GPC3: variants seen among roughly 807,000 people sequenced by gnomAD.
The protein encoded by GPC3 is glypican 3.
In GPC3, 3 loss-of-function variants were observed where a neutral mutation model predicts 34.4. The ratio of observed to expected loss-of-function variants is 0.09; its 90% CI spans 0.04 to 0.23. The LOEUF is 0.23. GPC3 is among the 10% of genes least tolerant of loss of function. The probability of loss-of-function intolerance (pLI) is 1.00; values close to 1 mark genes in which losing one functional copy is unlikely to be tolerated. For synonymous variants in GPC3, 177 were observed against 174.0 expected (o/e 1.02, Z -0.13); for missense variants, 351 against 445.6 (o/e 0.79, Z 1.91).
At chrX:133,702,608 C>CCAACCT (rs1326442033) in intron 3 of GPC3, among the ~76,000 whole-genome samples, 2 of 111,505 alleles carry the variant, frequency 1.8e-5, no homozygotes, top group African/African-American at 6.5e-5. Flanking sequence ...CTCACCAACC[C>CCAACCT]CAACCTACTG....
At chrX:133,601,003 A>C (rs747110977) in intron 6 of GPC3, among the ~76,000 whole-genome samples, 30 of 111,687 alleles carry the variant, frequency 2.7e-4, no homozygotes, top group Non-Finnish European at 5.1e-4. Context: ...ATTTCATTCC[A>C]CTATCCCCAT....
chrX:133,661,395 T>G (rs2070714468), intron 6 of GPC3, among the ~76,000 whole-genome samples: 1 of 111,209 alleles, frequency 9.0e-6, no homozygotes, highest in Non-Finnish European at 1.9e-5. Flanking sequence ...TATTTTTCCC[T>G]CTATTTTCCA....
intron 2 of GPC3, among the ~76,000 whole-genome samples, chrX:133,907,949 T>C (rs2076177092): frequency 9.1e-6 from 1 of 109,431 alleles, no homozygotes; most frequent in African/African-American, 3.3e-5. Context: ...TTATATATGT[T>C]ACATATATAT....
chrX:133,760,363 C>CA (rs1354585411), intron 2 of GPC3, among the ~76,000 whole-genome samples: 1 of 111,771 alleles, frequency 8.9e-6, no homozygotes, highest in Non-Finnish European at 1.9e-5. Context: ...TTATAATCAC[C>CA]AAAACTGGAA....
At chrX:133,786,403 G>T (rs1014605638) in intron 2 of GPC3, among the ~76,000 whole-genome samples, 4 of 112,258 alleles carry the variant, frequency 3.6e-5, no homozygotes, top group African/African-American at 1.3e-4. Context: ...CGAAAGAAAA[G>T]AAAAGAAAGG....
intron 2 of GPC3, among the ~76,000 whole-genome samples, chrX:133,843,913 G>T (rs1351036348): frequency 8.9e-6 from 1 of 111,820 alleles, no homozygotes; most frequent in African/African-American, 3.3e-5. Context: ...CATAGCTATT[G>T]CCAGGAATCT....
At chrX:133,795,031 G>A (rs1468313630) in intron 2 of GPC3, among the ~76,000 whole-genome samples, 1 of 112,034 alleles carries the variant, frequency 8.9e-6, no homozygotes, top group Admixed American at 9.5e-5. Flanking sequence ...GCCTGACACA[G>A]AAGGGGCTCT....
rs777395041 is a variant in GPC3, at chrX:133,578,888, G to A, written c.1573+17552C>T. On this transcript the variant is annotated intron_variant, in intron 7 of 7. Coordinates refer to ENST00000370818, the MANE Select transcript of GPC3 (RefSeq NM_004484.4). ...AATGTCTGCTATGGAGAGGGATGGG[G>A]GTTGGGGAGGCTAATGGCCCATATG... 4.5e-5 allele frequency among the ~76,000 whole-genome samples: 5 copies of A among 109,950 alleles called. No individual in the cohort carries two copies. The South Asian group carries it at 2.0e-3, about 45-fold the overall frequency.
chrX:133,644,133 T>G (rs1363105347), intron 6 of GPC3, among the ~76,000 whole-genome samples: 5 of 110,512 alleles, frequency 4.5e-5, no homozygotes, highest in African/African-American at 1.6e-4. Flanking sequence ...GCCTTATTTT[T>G]TTGTTATTCA....
intron 5 of GPC3, among the ~76,000 whole-genome samples, chrX:133,664,490 C>T (rs760719182): frequency 9.1e-6 from 1 of 110,181 alleles, no homozygotes; most frequent in African/African-American, 3.4e-5. Context: ...AGCTGGACTA[C>T]ATTTTAATGT....
intron 6 of GPC3, among the ~76,000 whole-genome samples, chrX:133,651,611 T>C (rs1334009809): frequency 1.8e-5 from 2 of 111,443 alleles, no homozygotes; most frequent in East Asian, 5.7e-4. Context: ...TGCATCCCAA[T>C]TGTGTTATCT....
chrX:133,772,262 G>A (rs1248336426), intron 2 of GPC3, among the ~76,000 whole-genome samples: 1 of 111,380 alleles, frequency 9.0e-6, no homozygotes, highest in Non-Finnish European at 1.9e-5. Flanking sequence ...TTACACACTG[G>A]CTTGCAAATC....
In GPC3 at chrX:133,699,887, C is replaced by A. The variant is rs2124437393; in HGVS notation, c.1166+8G>T. The A allele has an allele frequency of 1.7e-6, 2 of 1,198,306 alleles. No homozygotes were observed. The highest frequency in any genetic ancestry group is 2.2e-5 in the Admixed American group (1 of 45,318). ...TATTGTGGAATAAAGAAAAAAGAAA[C>A]CTCTCACCTTCTTCGGCTGGATAAG... On this transcript the variant is annotated splice_region_variant and intron_variant, in intron 4 of 7. Transcript: ENST00000370818.
rs763959048 is a variant in GPC3, at chrX:133,536,242, G to A, written c.1625C>T (p.Ala542Val). Residue 542 changes from alanine (A) to valine (V), a missense_variant, in exon 8 of 8, where the codon GCA becomes GTA. Physicochemically the swap from Ala to Val is moderately conservative, Grantham distance 64. Coordinates refer to ENST00000370818, the MANE Select transcript of GPC3 (RefSeq NM_004484.4). ...VDDAPGNSQQ[A>V]TPKDNEISTF... Reference sequence around the variant, plus strand: ...GCTTATCTCGTTGTCCTTCGGAGTTGCCTGCTGACTGTTTCCAGGCGCATC... The same window carrying A: ...GCTTATCTCGTTGTCCTTCGGAGTTACCTGCTGACTGTTTCCAGGCGCATC... 1.7e-6 allele frequency: 2 copies of A among 1,203,117 alleles called. No individual in the cohort carries two copies. Among genetic ancestry groups the A allele is most frequent in the Non-Finnish European group, 1.1e-6 (1 of 888,396 alleles).
chrX:133,858,328 G>A (rs1432376122), intron 2 of GPC3, among the ~76,000 whole-genome samples: 1 of 112,197 alleles, frequency 8.9e-6, no homozygotes, highest in South Asian at 3.8e-4. Context: ...GGGCCATCCA[G>A]CTAGAAAAGA....
intron 6 of GPC3, among the ~76,000 whole-genome samples, chrX:133,623,804 C>A (rs892994762): frequency 1.8e-5 from 2 of 111,642 alleles, no homozygotes; most frequent in East Asian, 2.8e-4. Flanking sequence ...CTGCACCAAG[C>A]GGACCTAATA....
intron 6 of GPC3, among the ~76,000 whole-genome samples, chrX:133,625,344 G>A (rs2070287687): frequency 9.0e-6 from 1 of 111,711 alleles, no homozygotes; most frequent in South Asian, 3.7e-4. Flanking sequence ...AGAAGTAAAG[G>A]ATATTCAATT....
At position 133,535,857 on chromosome X, in the gene GPC3, T is replaced by G; in HGVS notation, c.*267A>C. On this transcript the variant is annotated 3_prime_UTR_variant, in exon 8 of 8. Transcript: ENST00000370818. Reference sequence around the variant, plus strand: ...GTAACCATGTTCTAGCAGCCAAACATAGGAGAATAATTTGGCACAACTTGA... The same window carrying G: ...GTAACCATGTTCTAGCAGCCAAACAGAGGAGAATAATTTGGCACAACTTGA... The G allele has an allele frequency of 2.8e-6, 1 of 355,316 alleles. No homozygotes were observed. Among genetic ancestry groups the G allele is most frequent in the Non-Finnish European group, 4.9e-6 (1 of 204,771 alleles). The allele number at this position is 355,316 out of a possible 1,213,427, so 29.3% of individuals were successfully genotyped here.
At chrX:133,687,288 C>G (rs2071017413) in intron 5 of GPC3, among the ~76,000 whole-genome samples, 1 of 105,195 alleles carries the variant, frequency 9.5e-6, no homozygotes, top group African/African-American at 3.5e-5. Context: ...GTTGTGAACT[C>G]CTTAGCAGGC....
Sources: gnomAD v4.1 joint callset for allele counts (sites outside exome capture counted in the v4.1 genomes callset) on GRCh38, gnomAD v4.1.1 for gene constraint, MANE v1.5 for transcripts, NCBI Gene and HGNC (gene_info 2026-07-23, HGNC 2026-07-21) for gene names.